Variants in OXSR1 observed in about 807,000 individuals in gnomAD.
OXSR1 encodes serine/threonine-protein kinase OSR1.
Under a neutral mutation model 79.8 loss-of-function variants are expected in OXSR1, and 24 were observed. The ratio of observed to expected loss-of-function variants is 0.30; its 90% CI spans 0.22 to 0.42. The LOEUF (loss-of-function observed/expected upper bound fraction) is 0.42. Ranked by LOEUF, OXSR1 falls within the 10% of genes least tolerant of loss-of-function variation. The pLI is 1.00. For missense variants in OXSR1, 430 were observed against 618.4 expected, an observed-to-expected ratio of 0.70 and a Z score of 3.23; for synonymous variants, 226 against 209.2, an observed-to-expected ratio of 1.08 and a Z score of -0.69.
intron 10 of OXSR1, among the ~76,000 whole-genome samples, chr3:38,231,391 A>T (rs59205546): frequency 0.018 from 2,766 of 151,976 alleles, 83 homozygotes; most frequent in African/African-American, 0.064. Context: ...TAAAGTCATG[A>T]CTCTAGTGGA....
intron 4 of OXSR1, among the ~76,000 whole-genome samples, chr3:38,209,088 G>A (rs2125827144): frequency 6.6e-6 from 1 of 152,190 alleles, no homozygotes; most frequent in East Asian, 1.9e-4. Flanking sequence ...ACAATTTGTA[G>A]TAGTCTGATT....
At chr3:38,240,083 A>C (rs911827257) in intron 11 of OXSR1, among the ~76,000 whole-genome samples, 2 of 152,178 alleles carry the variant, frequency 1.3e-5, no homozygotes, top group Admixed American at 6.6e-5. Context: ...CTACAATTAT[A>C]TTTTAAGTGA....
chr3:38,180,590 G>T (rs1379857634), intron 1 of OXSR1, among the ~76,000 whole-genome samples: 1 of 144,224 alleles, frequency 6.9e-6, no homozygotes, highest in East Asian at 2.0e-4. Context: ...GGAGTGCAGT[G>T]GCGTGTTCTT....
chr3:38,203,358 T>C (rs962906721), intron 4 of OXSR1, among the ~76,000 whole-genome samples: 55 of 152,294 alleles, frequency 3.6e-4, no homozygotes, highest in African/African-American at 1.3e-3. Flanking sequence ...GGGCCACTAC[T>C]GGTCTCCGTG....
intron 4 of OXSR1, among the ~76,000 whole-genome samples, chr3:38,208,084 T>C (rs866012863): frequency 3.2e-4 from 49 of 151,904 alleles, no homozygotes; most frequent in African/African-American, 1.1e-3. Context: ...TAATTGCTAA[T>C]ATCAAGGTAT....
At chr3:38,244,045 CAAT>C (rs755401208) in intron 12 of OXSR1, among the ~76,000 whole-genome samples, 3 of 152,236 alleles carry the variant, frequency 2.0e-5, no homozygotes, top group Non-Finnish European at 4.4e-5. Flanking sequence ...GAAGTGTGTC[CAAT>C]AAACAACTGT....
At chr3:38,241,593 T>C (rs1703036503) in intron 11 of OXSR1, among the ~76,000 whole-genome samples, 1 of 151,922 alleles carries the variant, frequency 6.6e-6, no homozygotes, top group African/African-American at 2.4e-5. Context: ...TCTCAAATGG[T>C]GTAGGAAAAA....
intron 1 of OXSR1, among the ~76,000 whole-genome samples, chr3:38,173,955 A>G (rs1701631240): frequency 6.6e-6 from 1 of 152,202 alleles, no homozygotes; most frequent in African/African-American, 2.4e-5. Context: ...ATGACAGTTG[A>G]GGAAAGACCT....
At position 38,236,922 on chromosome 3, in the gene OXSR1, A is replaced by T; in HGVS notation, c.1035A>T (p.Glu345Asp). 1 of 1,612,732 alleles carries T rather than the reference A, an allele frequency of 6.2e-7. No individual in the cohort carries two copies. The highest frequency in any genetic ancestry group is 8.5e-7 in the Non-Finnish European group (1 of 1,179,084). Reference protein sequence around the residue: ...GWEWSDDEFDEESEEGKAAIS... With the variant: ...GWEWSDDEFDDESEEGKAAIS... ...AGTGGAGTGATGATGAATTTGATGA[A>T]GAAAGTGAGGAAGGGAAAGCAGCAA... Residue 345 changes from glutamate to aspartate, a missense_variant, in exon 11 of 18, where the codon GAA becomes GAT. Physicochemically the swap from Glu to Asp is conservative, Grantham distance 45. Transcript: ENST00000311806.
At chr3:38,235,227 A>AGG (rs1485482759) in intron 10 of OXSR1, among the ~76,000 whole-genome samples, 1 of 152,222 alleles carries the variant, frequency 6.6e-6, no homozygotes. Flanking sequence ...TGAGTGGTTC[A>AGG]GTTGTATGGT....
rs1702929477 is a variant in OXSR1 at position 38,236,882 on chromosome 3, A to C, written c.995A>C (p.Glu332Ala). 1.9e-6 allele frequency: 3 copies of C among 1,612,790 alleles called. No individual in the cohort carries two copies. Among genetic ancestry groups the C allele is most frequent in the Non-Finnish European group, 2.5e-6 (3 of 1,179,086 alleles). The change falls in exon 11 of 18, where the codon GAG becomes GCG. Residue 332 changes from glutamate to alanine, a missense_variant. Physicochemically the swap from Glu to Ala is moderately radical, Grantham distance 107. Around this residue, in one of 3 missense-constraint regions of OXSR1, gnomAD observed 276 missense variants for 354.2 expected, o/e 0.78. Coordinates refer to ENST00000311806, the MANE Select transcript of OXSR1 (RefSeq NM_005109.3). Reference sequence around the variant, plus strand: ...TCCAGTGGGCGTCTTCATAAGACAGAGGATGGAGGCTGGGAGTGGAGTGAT... The same window carrying C: ...TCCAGTGGGCGTCTTCATAAGACAGCGGATGGAGGCTGGGAGTGGAGTGAT... ...PGSSGRLHKT[E>A]DGGWEWSDDE...
intron 1 of OXSR1, among the ~76,000 whole-genome samples, chr3:38,168,664 C>T (rs1701514766): frequency 6.6e-6 from 1 of 152,160 alleles, no homozygotes; most frequent in African/African-American, 2.4e-5. Flanking sequence ...TGTCCATTTG[C>T]AGTTACTCCC....
At chr3:38,252,246 A>G in intron 16 of OXSR1, 82 bp from the exon 17 acceptor site, 4 of 928,872 alleles carry the variant, frequency 4.3e-6, no homozygotes, top group Non-Finnish European at 7.2e-6. Flanking sequence ...ATTCTTAACT[A>G]CCATTTAAGC....
chr3:38,182,980 C>T, intron 1 of OXSR1, 23 bp from the exon 2 acceptor site: 5 of 1,284,218 alleles, frequency 3.9e-6, no homozygotes, highest in Non-Finnish European at 5.6e-6. Flanking sequence ...TACTTATTTA[C>T]TCTTTTATGT....
intron 9 of OXSR1, 25 bp downstream of exon 9, chr3:38,229,760 T>C (rs757298668): frequency 1.0e-5 from 16 of 1,574,416 alleles, no homozygotes; most frequent in Non-Finnish European, 1.4e-5. Flanking sequence ...CTTTTGATTA[T>C]GTGTGTTCAT....
chr3:38,198,678 G>T (rs1170489834), intron 3 of OXSR1, 44 bp from the exon 4 acceptor site: 1 of 1,481,148 alleles, frequency 6.8e-7, no homozygotes, highest in Non-Finnish European at 9.4e-7. Flanking sequence ...GAATTATATT[G>T]AATGATTTAG....
chr3:38,170,728 G>A lies in OXSR1; in HGVS notation c.70+4782G>A, dbSNP rs955339960. 3.3e-5 allele frequency among the ~76,000 whole-genome samples: 5 copies of A among 152,068 alleles called. 1 individual carries two copies. Among genetic ancestry groups the A allele is most frequent in the South Asian group, 4.1e-4 (2 of 4,826 alleles). Reference sequence around the variant, plus strand: ...CTTGTTCCTGTATCTACATTGATTCGTTCTTGGATATAAACTGGAAGATGG... The same window carrying A: ...CTTGTTCCTGTATCTACATTGATTCATTCTTGGATATAAACTGGAAGATGG... On this transcript the variant is annotated intron_variant, in intron 1 of 17. Transcript: ENST00000311806.
intron 9 of OXSR1, 103 bp downstream of exon 9, chr3:38,229,838 G>A (rs1271469069): frequency 9.2e-6 from 8 of 870,942 alleles, no homozygotes; most frequent in Non-Finnish European, 1.5e-5. Flanking sequence ...TTGGAAAAAT[G>A]ATGGTAGATA....
At chr3:38,216,198 C>A in intron 5 of OXSR1, 47 bp downstream of exon 5, 3 of 1,122,850 alleles carry the variant, frequency 2.7e-6, no homozygotes, top group South Asian at 1.4e-5. Context: ...TCAGTAGAAC[C>A]ACATTACTTA....
Sources: gnomAD v4.1 joint callset for allele counts (sites outside exome capture counted in the v4.1 genomes callset) on GRCh38, gnomAD v4.1.1 for gene constraint, gnomAD v4.1.1 regional missense constraint, MANE v1.5 for transcripts, NCBI Gene and HGNC (gene_info 2026-07-23, HGNC 2026-07-21) for gene names.